The following ERBIN variants were observed in gnomAD, a reference collection of about 807,000 sequenced individuals.
ERBIN encodes densin-180-like protein.
In ERBIN, 60 loss-of-function variants were observed where a neutral mutation model predicts 158.4. The observed-to-expected ratio is 0.38, with a 90% CI of 0.31 to 0.47. The LOEUF is 0.47. ERBIN is among the 20% of genes least tolerant of loss of function. ERBIN has a pLI of 0.99. For missense variants in ERBIN, 1,610 were observed against 1,648.0 expected (o/e 0.98, Z 0.40); for synonymous variants, 594 against 557.2 (o/e 1.07, Z -0.93).
rs149516600 is a variant in ERBIN at position 66,012,352 on chromosome 5, G to T, written c.386+225G>T. 1.7e-3 allele frequency among the ~76,000 whole-genome samples: 264 copies of T among 152,274 alleles called. 3 individuals carry two copies. Among genetic ancestry groups the T allele is most frequent in the Non-Finnish European group, 3.3e-3 (226 of 68,020 alleles). On this transcript the variant is annotated intron_variant, in intron 5 of 25. Transcript: ENST00000284037. The stretch of plus-strand genomic sequence containing the variant: ...AGATAGTGAGAGTGTTTTGCTCCAA[G>T]TCTCACAGATAGTTAATGTCAGAAA...
In ERBIN at chr5:66,081,684, A is replaced by G. The variant is rs915320536; in HGVS notation, c.*3154A>G. 2 of 152,082 alleles carry G rather than the reference A, an allele frequency of 1.3e-5. No individual in the cohort carries two copies. The highest frequency in any genetic ancestry group is 2.9e-5 in the Non-Finnish European group (2 of 67,946). The allele number at this position is 152,082 out of a possible 1,614,324, so 9.4% of individuals were successfully genotyped here. A position where few individuals can be genotyped will look rare whatever the true frequency, so the allele number is the denominator to read the frequency against. On this transcript the variant is annotated 3_prime_UTR_variant, in exon 26 of 26. Coordinates refer to ENST00000284037, the MANE Select transcript of ERBIN (RefSeq NM_001253697.2). ...AGTTTATCTCAAATTATTATTATTT[A>G]CTTCTAAAGGGAGGCATTAAGATGG...
chr5:66,051,453 A>G (rs1239990661), intron 20 of ERBIN, among the ~76,000 whole-genome samples: 1 of 152,156 alleles, frequency 6.6e-6, no homozygotes, highest in Non-Finnish European at 1.5e-5. Flanking sequence ...AACACATTTT[A>G]TTATTTAGGC....
At chr5:66,036,981 C>A (rs1757458539) in intron 14 of ERBIN, among the ~76,000 whole-genome samples, 1 of 152,036 alleles carries the variant, frequency 6.6e-6, no homozygotes, top group South Asian at 2.1e-4. Context: ...ATACAGTGAA[C>A]CCCTTTTAAA....
chr5:66,008,827 T>TA (rs1753888541), intron 4 of ERBIN, among the ~76,000 whole-genome samples: 1 of 152,200 alleles, frequency 6.6e-6, no homozygotes, highest in South Asian at 2.1e-4. Context: ...TTTTACTTCT[T>TA]AAAAAGTATT....
At chr5:66,014,074 A>T (rs1754476177) in intron 6 of ERBIN, among the ~76,000 whole-genome samples, 1 of 152,156 alleles carries the variant, frequency 6.6e-6, no homozygotes, top group South Asian at 2.1e-4. Context: ...AAACAGATGA[A>T]TGTATAATAG....
intron 14 of ERBIN, among the ~76,000 whole-genome samples, chr5:66,035,401 G>T (rs1157490929): frequency 1.3e-5 from 2 of 152,184 alleles, no homozygotes; most frequent in Non-Finnish European, 2.9e-5. Flanking sequence ...GATGGAGGCA[G>T]AGGCCTGGAA....
chr5:65,935,821 CTCAA>C (rs745674755), intron 1 of ERBIN, among the ~76,000 whole-genome samples: 1 of 152,130 alleles, frequency 6.6e-6, no homozygotes, highest in Non-Finnish European at 1.5e-5. Flanking sequence ...AACTCATGGC[CTCAA>C]TCAATCCTTT....
At chr5:66,050,714 C>A (rs1758932631) in intron 19 of ERBIN, 69 bp from the exon 20 acceptor site, 1 of 1,003,834 alleles carries the variant, frequency 1.0e-6, no homozygotes, top group Non-Finnish European at 1.4e-6. Flanking sequence ...TGCCATTTGT[C>A]ATCACTGAAA....
In ERBIN at chr5:66,043,138, G is replaced by A. The variant is rs764705722; in HGVS notation, c.1368G>A (p.Gln456=). 6.8e-6 allele frequency: 11 copies of A among 1,612,872 alleles called. No homozygotes were observed. Among genetic ancestry groups the A allele is most frequent in the African/African-American group, 1.3e-5 (1 of 74,890 alleles). ...NPSLWEEQRK[Q]RAQVAFECDE... is the part of the protein sequence containing the mutation. Reference sequence around the variant, plus strand: ...CATTGTGGGAGGAACAGAGGAAACAGCGGGCTCAAGTTGCATTTGAATGTG... The same window carrying A: ...CATTGTGGGAGGAACAGAGGAAACAACGGGCTCAAGTTGCATTTGAATGTG... Residue 456 remains glutamine, a synonymous_variant, in exon 16 of 26, where the codon CAG becomes CAA. Transcript: ENST00000284037.
At chr5:66,010,727 T>C (rs1033995138) in intron 4 of ERBIN, among the ~76,000 whole-genome samples, 4 of 152,212 alleles carry the variant, frequency 2.6e-5, no homozygotes, top group African/African-American at 9.6e-5. Flanking sequence ...AATCATATCA[T>C]GTTAATGGAG....
At chr5:65,935,617 A>G (rs7702745) in intron 1 of ERBIN, among the ~76,000 whole-genome samples, 6,223 of 152,332 alleles carry the variant, frequency 0.041, 434 homozygotes, top group African/African-American at 0.14. Context: ...CTGTGAAAGG[A>G]GGATGGAAGA....
At chr5:65,990,391 G>A (rs913748376) in intron 2 of ERBIN, among the ~76,000 whole-genome samples, 7 of 145,044 alleles carry the variant, frequency 4.8e-5, no homozygotes, top group Admixed American at 1.4e-4. Context: ...TAAGTAGGCC[G>A]AGTGCAGTGG....
In ERBIN at chr5:66,010,858, A is replaced by G. The variant is rs181997098; in HGVS notation, c.308-1191A>G. Among the ~76,000 whole-genome samples, 328 of 152,320 alleles carry G rather than the reference A, an allele frequency of 2.2e-3. 2 individuals carry two copies. The highest frequency in any genetic ancestry group is 7.7e-3 in the African/African-American group (319 of 41,574). ...CTTTTTAAAGTTGATCTGTGGACCA[A>G]TGGTAGTCCACAAATTATTTATTAC... On this transcript the variant is annotated intron_variant, in intron 4 of 25. Coordinates refer to ENST00000284037, the MANE Select transcript of ERBIN (RefSeq NM_001253697.2).
chr5:65,954,734 T>G (rs1427663890), intron 1 of ERBIN, among the ~76,000 whole-genome samples: 1 of 151,818 alleles, frequency 6.6e-6, no homozygotes, highest in Non-Finnish European at 1.5e-5. Flanking sequence ...GGAATATCTT[T>G]GCTCAAAGAA....
At chr5:65,970,852 C>T (rs1320503785) in intron 1 of ERBIN, among the ~76,000 whole-genome samples, 5 of 152,146 alleles carry the variant, frequency 3.3e-5, no homozygotes, top group Non-Finnish European at 1.5e-5. Context: ...GCTGGGATTA[C>T]AGGTGTGAGC....
At position 66,054,756 on chromosome 5, in the gene ERBIN, A is replaced by G; in HGVS notation, c.3438A>G (p.Arg1146=). 6.2e-7 allele frequency: 1 copy of G among 1,614,112 alleles called. No individual in the cohort carries two copies. The highest frequency in any genetic ancestry group is 1.1e-5 in the South Asian group (1 of 91,076). The change falls in exon 21 of 26, where the codon CGA becomes CGG. Residue 1146 remains arginine, a synonymous_variant. Coordinates refer to ENST00000284037, the MANE Select transcript of ERBIN (RefSeq NM_001253697.2). ...GPNASRPQSA[R]PSINEIPERT... is the part of the protein sequence containing the mutation. Reference sequence around the variant, plus strand: ...ATGCATCAAGACCTCAGAGTGCTCGACCCTCTATTAATGAAATACCAGAGA... The same window carrying G: ...ATGCATCAAGACCTCAGAGTGCTCGGCCCTCTATTAATGAAATACCAGAGA...
At chr5:66,025,458 A>G (rs775032818) in intron 10 of ERBIN, 22 bp from the exon 11 acceptor site, 12 of 1,575,748 alleles carry the variant, frequency 7.6e-6, no homozygotes, top group Admixed American at 1.7e-5. Flanking sequence ...GAAAAATTGT[A>G]TGTTGTTTCT....
At chr5:66,020,633 GGA>G (rs1196307397) in intron 7 of ERBIN, among the ~76,000 whole-genome samples, 1 of 149,914 alleles carries the variant, frequency 6.7e-6, no homozygotes, top group Non-Finnish European at 1.5e-5. Context: ...CTTTGTAAAA[GGA>G]GAGAGAAAAG....
intron 21 of ERBIN, among the ~76,000 whole-genome samples, chr5:66,067,143 G>A (rs546489626): frequency 2.0e-5 from 3 of 152,162 alleles, no homozygotes; most frequent in South Asian, 4.1e-4. Flanking sequence ...AGATTGCCTC[G>A]TTAAATCCTT....
Sources: gnomAD v4.1 joint callset for allele counts (sites outside exome capture counted in the v4.1 genomes callset) on GRCh38, gnomAD v4.1.1 for gene constraint, MANE v1.5 for transcripts, NCBI Gene and HGNC (gene_info 2026-07-23, HGNC 2026-07-21) for gene names.